The following TRAPPC9 variants were observed in gnomAD, a reference collection of about 807,000 sequenced individuals.
TRAPPC9 encodes the protein trafficking protein particle complex subunit 9.
In TRAPPC9, 83 loss-of-function variants were observed where a neutral mutation model predicts 124.0. That is an observed-to-expected ratio of 0.67 (90% CI 0.56 to 0.80). TRAPPC9 has a LOEUF of 0.80. Ranked by LOEUF, TRAPPC9 falls within the 30% of genes least tolerant of loss-of-function variation. The probability of loss-of-function intolerance (pLI) is 0.00; values close to 1 mark genes in which losing one functional copy is unlikely to be tolerated. For missense variants in TRAPPC9, 1,302 were observed against 1,508.3 expected, an observed-to-expected ratio of 0.86 and a Z score of 2.27; for synonymous variants, 638 against 617.5, an observed-to-expected ratio of 1.03 and a Z score of -0.49.
chr8:140,090,906 G>T (rs1285224411), intron 17 of TRAPPC9, among the ~76,000 whole-genome samples: 1 of 152,210 alleles, frequency 6.6e-6, no homozygotes, highest in South Asian at 2.1e-4. Context: ...TGGGTGATAC[G>T]TCTTAGCTCC....
chr8:139,787,225 G>A (rs1307779218), intron 21 of TRAPPC9, among the ~76,000 whole-genome samples: 1 of 152,070 alleles, frequency 6.6e-6, no homozygotes, highest in Non-Finnish European at 1.5e-5. Context: ...GCCAGTCACT[G>A]CTTGATTTGA....
intron 5 of TRAPPC9, among the ~76,000 whole-genome samples, chr8:140,415,959 T>A (rs1413449077): frequency 6.6e-6 from 1 of 152,050 alleles, no homozygotes; most frequent in Non-Finnish European, 1.5e-5. Context: ...AGACCCTGTC[T>A]CTTAAACCAG....
chr8:140,392,201 C>T (rs775916386), intron 7 of TRAPPC9, among the ~76,000 whole-genome samples: 1 of 152,146 alleles, frequency 6.6e-6, no homozygotes, highest in African/African-American at 2.4e-5. Context: ...AATTTCTCAT[C>T]CTTAAAATGG....
chr8:140,457,475 C>G (rs924487574), intron 1 of TRAPPC9, among the ~76,000 whole-genome samples, 164 bp downstream of exon 1: 1 of 152,164 alleles, frequency 6.6e-6, no homozygotes, highest in African/African-American at 2.4e-5. Context: ...CACGCTGAAC[C>G]CCGGCCCGGC....
intron 19 of TRAPPC9, among the ~76,000 whole-genome samples, chr8:139,988,276 G>C (rs931634558): frequency 6.6e-6 from 1 of 151,624 alleles, no homozygotes; most frequent in African/African-American, 2.4e-5. Flanking sequence ...CCATGCCCGG[G>C]TAGTTTTTGT....
At chr8:140,016,438 T>C (rs1839468531) in intron 18 of TRAPPC9, among the ~76,000 whole-genome samples, 1 of 152,176 alleles carries the variant, frequency 6.6e-6, no homozygotes, top group Non-Finnish European at 1.5e-5. Context: ...CCCTTCCCAG[T>C]CAATTCCTGC....
At chr8:140,380,871 C>T (rs1319169237) in intron 7 of TRAPPC9, among the ~76,000 whole-genome samples, 1 of 151,890 alleles carries the variant, frequency 6.6e-6, no homozygotes, top group Non-Finnish European at 1.5e-5. Context: ...TTAGACTTCA[C>T]CAAAATTAAA....
At chr8:140,272,678 C>T (rs1334512100) in intron 15 of TRAPPC9, among the ~76,000 whole-genome samples, 5 of 152,066 alleles carry the variant, frequency 3.3e-5, no homozygotes. Flanking sequence ...CCTGAGGAAG[C>T]TTCCATTCAT....
intron 6 of TRAPPC9, among the ~76,000 whole-genome samples, chr8:140,403,170 TG>T (rs879777067): frequency 1.3e-4 from 20 of 152,292 alleles, no homozygotes; most frequent in Admixed American, 9.8e-4. Flanking sequence ...GGCCAACGCC[TG>T]TAATCCCAGA....
chr8:139,885,257 C>A (rs779080705), intron 21 of TRAPPC9, among the ~76,000 whole-genome samples: 18 of 152,202 alleles, frequency 1.2e-4, no homozygotes, highest in Non-Finnish European at 2.5e-4. Context: ...TAGAAAGGCA[C>A]AGTGTAGGGT....
At chr8:140,212,500 T>C (rs1255562497) in intron 17 of TRAPPC9, among the ~76,000 whole-genome samples, 1 of 152,186 alleles carries the variant, frequency 6.6e-6, no homozygotes, top group Non-Finnish European at 1.5e-5. Context: ...TTGCTTAAAA[T>C]TTTTGCATCT....
At chr8:139,757,172 T>A (rs1157153421) in intron 21 of TRAPPC9, among the ~76,000 whole-genome samples, 5 of 114,254 alleles carry the variant, frequency 4.4e-5, no homozygotes, top group African/African-American at 7.3e-5. Context: ...GGAGCCAGGG[T>A]TTAGGGATGA....
chr8:140,293,800 G>A (rs908989478), intron 11 of TRAPPC9, among the ~76,000 whole-genome samples: 1 of 152,006 alleles, frequency 6.6e-6, no homozygotes, highest in Non-Finnish European at 1.5e-5. Flanking sequence ...CACCAGCATG[G>A]CACATGTATA....
chr8:140,301,026 G>C (rs1002867615), intron 10 of TRAPPC9, among the ~76,000 whole-genome samples: 8 of 152,318 alleles, frequency 5.3e-5, no homozygotes. Flanking sequence ...TGGACCCATG[G>C]GGAGGATCCA....
intron 10 of TRAPPC9, among the ~76,000 whole-genome samples, chr8:140,307,751 C>T (rs964934377): frequency 2.0e-5 from 3 of 152,202 alleles, no homozygotes; most frequent in Non-Finnish European, 4.4e-5. Context: ...CTGTCAAGAA[C>T]ATTTTTGCTT....
intron 17 of TRAPPC9, among the ~76,000 whole-genome samples, chr8:140,064,321 C>T (rs1417660557): frequency 3.3e-5 from 5 of 152,170 alleles, no homozygotes; most frequent in African/African-American, 1.2e-4. Flanking sequence ...TACCTAGAGT[C>T]CTGTGCAACA....
At chr8:140,048,136 A>G (rs924226622) in intron 17 of TRAPPC9, among the ~76,000 whole-genome samples, 13 of 152,248 alleles carry the variant, frequency 8.5e-5, no homozygotes, top group African/African-American at 1.9e-4. Context: ...TGGCTTGTCC[A>G]TGCCAGCTCT....
intron 17 of TRAPPC9, among the ~76,000 whole-genome samples, chr8:140,210,483 T>C (rs2063032958): frequency 2.0e-5 from 3 of 152,132 alleles, no homozygotes; most frequent in Admixed American, 1.3e-4. Flanking sequence ...CATCCCCCCG[T>C]CTGCCTGAAG....
At position 139,984,697 on chromosome 8, in the gene TRAPPC9, C is replaced by T. The variant is rs1193413420; in HGVS notation, c.2810+4029G>A. ...CCACGGAGGCCGAGTGTGCATCTGA[C>T]CCACAGGAGGCCGGTGAGGCACTGA... On this transcript the variant is annotated intron_variant, in intron 19 of 22. Coordinates refer to ENST00000438773, the MANE Select transcript of TRAPPC9 (RefSeq NM_001160372.4). This position sits in a 1 kb window ranked among gnomAD's most constrained non-coding sequence, Gnocchi z 4.3. Among the ~76,000 whole-genome samples the T allele has an allele frequency of 6.6e-6, 1 of 152,168 alleles. No homozygotes were observed. The highest frequency in any genetic ancestry group is 1.9e-4 in the East Asian group (1 of 5,196).
Sources: allele counts gnomAD v4.1 joint callset (sites outside exome capture counted in the v4.1 genomes callset), GRCh38; gene constraint gnomAD v4.1.1; non-coding constraint Gnocchi (gnomAD v3.1); transcripts MANE v1.5; gene names NCBI Gene and HGNC (gene_info 2026-07-23, HGNC 2026-07-21).